The following DHX35 variants were observed in gnomAD, a reference collection of about 807,000 sequenced individuals.
The protein encoded by DHX35 is probable ATP-dependent RNA helicase DHX35.
DHX35 carries 84 observed loss-of-function variants against 99.6 expected under a neutral mutation model. The ratio of observed to expected loss-of-function variants is 0.84; its 90% CI spans 0.71 to 1.01. The LOEUF is 1.01. DHX35 is among the 50% of genes least tolerant of loss of function. The pLI, the probability that DHX35 is intolerant of heterozygous loss-of-function variation, is 0.00. For missense variants in DHX35, 852 were observed against 888.5 expected (o/e 0.96, Z 0.52); for synonymous variants, 331 against 316.2 (o/e 1.05, Z -0.50).
At chr20:39,025,895 C>A (rs1397564886) in intron 18 of DHX35, among the ~76,000 whole-genome samples, 1 of 152,126 alleles carries the variant, frequency 6.6e-6, no homozygotes, top group Non-Finnish European at 1.5e-5. Context: ...AGGGGTTCTC[C>A]AAATATTCTC....
chr20:39,038,940 T>C lies in DHX35; in HGVS notation c.*397T>C. ...AGAGGGTTTGCTGGGCTGGCTTTGC[T>C]TTCCCTGCTGGGGCCACAGCTGTGT... On this transcript the variant is annotated 3_prime_UTR_variant, in exon 22 of 22. Transcript: ENST00000252011. 1 of 254,826 alleles carries C rather than the reference T, an allele frequency of 3.9e-6. No individual in the cohort carries two copies. The allele number at this position is 254,826 out of a possible 1,614,324, so 15.8% of individuals were successfully genotyped here.
chr20:39,032,236 A>G (rs1377360361), intron 20 of DHX35, among the ~76,000 whole-genome samples: 1 of 152,128 alleles, frequency 6.6e-6, no homozygotes, highest in Admixed American at 6.5e-5. Flanking sequence ...CAGTGGTGTG[A>G]TCTTGGCTCA....
chr20:38,965,176 A>G (rs1302902121), intron 1 of DHX35, among the ~76,000 whole-genome samples: 1 of 152,238 alleles, frequency 6.6e-6, no homozygotes, highest in African/African-American at 2.4e-5. Flanking sequence ...TTGTGTTGTC[A>G]TTAGTTGACA....
At chr20:38,998,026 A>T (rs1251928605) in intron 8 of DHX35, among the ~76,000 whole-genome samples, 1 of 152,250 alleles carries the variant, frequency 6.6e-6, no homozygotes, top group Non-Finnish European at 1.5e-5. Flanking sequence ...AGACAAAGAC[A>T]GCAGTGGCTG....
chr20:39,027,412 A>G (rs2086974854), intron 18 of DHX35, among the ~76,000 whole-genome samples: 1 of 152,226 alleles, frequency 6.6e-6, no homozygotes, highest in South Asian at 2.1e-4. Context: ...TATATTTAGG[A>G]AAAAACAGTT....
At chr20:38,977,998 C>G (rs2086109261) in intron 3 of DHX35, 1 of 699,346 alleles carries the variant, frequency 1.4e-6, no homozygotes, top group Non-Finnish European at 2.6e-6. Flanking sequence ...AGGGGCAGAT[C>G]ACCTTCCAGA....
At chr20:38,994,643 CTT>C (rs200300870) in intron 7 of DHX35, among the ~76,000 whole-genome samples, 176 bp from the exon 8 acceptor site, 8 of 115,778 alleles carry the variant, frequency 6.9e-5, no homozygotes, top group African/African-American at 2.6e-4. Flanking sequence ...CCCCCCCCCC[CTT>C]TATTGACAAT....
intron 4 of DHX35, among the ~76,000 whole-genome samples, chr20:38,986,477 TA>T (rs1188796488): frequency 6.6e-6 from 1 of 152,226 alleles, no homozygotes; most frequent in Non-Finnish European, 1.5e-5. Flanking sequence ...AAAATGATTA[TA>T]TTTTTACAGA....
chr20:39,018,533 A>C (rs935259332), intron 14 of DHX35, among the ~76,000 whole-genome samples: 1 of 151,812 alleles, frequency 6.6e-6, no homozygotes, highest in African/African-American at 2.4e-5. Flanking sequence ...AGAAGGCTGC[A>C]GGGGGATTTC....
chr20:39,014,544 CTG>C (rs2145919433), intron 13 of DHX35, among the ~76,000 whole-genome samples: 1 of 152,166 alleles, frequency 6.6e-6, no homozygotes, highest in South Asian at 2.1e-4. Flanking sequence ...AAGGTTGAGT[CTG>C]TGAAGTAAAA....
At position 38,988,928 on chromosome 20, in the gene DHX35, C is replaced by T. The variant is rs1195589291; in HGVS notation, c.450+11C>T. The T allele has an allele frequency of 3.7e-6, 6 of 1,610,264 alleles. No individual in the cohort carries two copies. The highest frequency in any genetic ancestry group is 2.7e-5 in the African/African-American group (2 of 74,914). ...GCCACGAGAATTAAGGTAAAGTGCT[C>T]AAGCTGCTTTTCCTAGTGGAAATAA... On this transcript the variant is annotated intron_variant, in intron 5 of 21. Transcript: ENST00000252011.
intron 3 of DHX35, 133 bp downstream of exon 3, chr20:38,972,784 T>G: frequency 3.2e-6 from 2 of 625,096 alleles, no homozygotes; most frequent in Non-Finnish European, 5.5e-6. Context: ...ACTAGATATT[T>G]TTTATTAAAC....
At chr20:38,978,389 C>G (rs2145849397) in intron 3 of DHX35, 1 of 700,896 alleles carries the variant, frequency 1.4e-6, no homozygotes, top group South Asian at 1.4e-5. Flanking sequence ...TGGGGCCTCA[C>G]AGGGCTCATG....
At position 39,025,301 on chromosome 20, in the gene DHX35, A is replaced by G; in HGVS notation, c.1743A>G (p.Val581=). 2 of 1,613,848 alleles carry G rather than the reference A, an allele frequency of 1.2e-6. No individual in the cohort carries two copies. The highest frequency in any genetic ancestry group is 1.7e-6 in the Non-Finnish European group (2 of 1,179,852). Residue 581 remains valine, a synonymous_variant, in exon 18 of 22, where the codon GTA becomes GTG. Transcript: ENST00000252011. ...AGGGTCTTGTCAGAGCTGCGACTGT[A>G]AGAGAACAATTGAAAAAGCTTCTTG... is the stretch of plus-strand genomic sequence containing the variant. ...NYKGLVRAAT[V]REQLKKLLVK... is the part of the protein sequence containing the mutation.
At chr20:38,983,420 A>G (rs1457941147) in intron 3 of DHX35, among the ~76,000 whole-genome samples, 1 of 152,206 alleles carries the variant, frequency 6.6e-6, no homozygotes, top group Non-Finnish European at 1.5e-5. Context: ...TCCCTGAGGC[A>G]TCTGTAGTAC....
At chr20:38,973,807 A>T (rs1328583588) in intron 3 of DHX35, among the ~76,000 whole-genome samples, 1 of 152,222 alleles carries the variant, frequency 6.6e-6, no homozygotes, top group East Asian at 1.9e-4. Context: ...CACAGGGTTG[A>T]ACAGTTTTGA....
chr20:38,972,474 G>A, intron 2 of DHX35, 85 bp from the exon 3 acceptor site: 1 of 835,344 alleles, frequency 1.2e-6, no homozygotes, highest in Non-Finnish European at 2.0e-6. Context: ...TTTGAAAACA[G>A]CTCATTTCAC....
rs766625765 is a variant in DHX35 at position 38,983,767 on chromosome 20, T to C, written c.336T>C (p.Ala112=). The part of the protein sequence containing the change: ...VVGVTQPRRV[A]AVTVAGRVAE... ...GAGTGACCCAGCCTCGAAGAGTGGCTGCTGTTACAGTGAGTTTCTTTTTGT... is the reference window on the plus strand; with the variant it reads ...GAGTGACCCAGCCTCGAAGAGTGGCCGCTGTTACAGTGAGTTTCTTTTTGT... The change falls in exon 4 of 22, where the codon GCT becomes GCC. Residue 112 remains alanine (A), a synonymous_variant. Coordinates refer to ENST00000252011, the MANE Select transcript of DHX35 (RefSeq NM_021931.4). The C allele has an allele frequency of 2.5e-6, 4 of 1,613,724 alleles. No homozygotes were observed. Among genetic ancestry groups the C allele is most frequent in the Non-Finnish European group, 3.4e-6 (4 of 1,179,732 alleles).
chr20:39,039,587 A>G lies in DHX35; in HGVS notation c.*1044A>G, dbSNP rs962850717. ...CTTGAAAATTTATTTTTATACTGAT[A>G]TTAGTTTGGATGTGCCACTTTTGGC... is the stretch of plus-strand genomic sequence containing the variant. On this transcript the variant is annotated 3_prime_UTR_variant, in exon 22 of 22. Coordinates refer to ENST00000252011, the MANE Select transcript of DHX35 (RefSeq NM_021931.4). The G allele has an allele frequency of 6.6e-6, 1 of 152,210 alleles. No homozygotes were observed. The highest frequency in any genetic ancestry group is 2.4e-5 in the African/African-American group (1 of 41,456). The allele number at this position is 152,210 out of a possible 1,614,324, so 9.4% of individuals were successfully genotyped here.
Sources: gnomAD v4.1 joint callset for allele counts (sites outside exome capture counted in the v4.1 genomes callset) on GRCh38, gnomAD v4.1.1 for gene constraint, MANE v1.5 for transcripts, NCBI Gene and HGNC (gene_info 2026-07-23, HGNC 2026-07-21) for gene names.